The following ABCA8 variants were observed in gnomAD, a reference collection of about 807,000 sequenced individuals.
The protein encoded by ABCA8 is ABC-type organic anion transporter ABCA8.
In ABCA8, 177 loss-of-function variants were observed where a neutral mutation model predicts 192.3. The observed-to-expected ratio is 0.92, with a 90% CI of 0.81 to 1.04. The LOEUF (loss-of-function observed/expected upper bound fraction) is 1.04, where lower values mean the gene tolerates loss of function less well. Among genes scored for constraint, ABCA8 ranks in the 50% least tolerant of loss-of-function variants. ABCA8 has a pLI of 0.00. For missense variants in ABCA8, 1,915 were observed against 1,904.8 expected (o/e 1.01, Z -0.10); for synonymous variants, 642 against 690.2 (o/e 0.93, Z 1.09).
intron 24 of ABCA8, 130 bp from the exon 25 acceptor site, chr17:68,887,636 G>T: frequency 1.4e-6 from 1 of 738,276 alleles, no homozygotes; most frequent in East Asian, 2.7e-5. Context: ...CTGGACTAAG[G>T]GATGTGGATA....
At position 68,927,971 on chromosome 17, in the gene ABCA8, T is replaced by C. The variant is rs780591659; in HGVS notation, c.1218A>G (p.Ala406=). Residue 406 remains alanine (A), a synonymous_variant, in exon 10 of 40, where the codon GCA becomes GCG. Transcript: ENST00000586539. The part of the protein sequence containing the change: ...NLIVATNFML[A]FDTCLYLALA... Reference sequence around the variant, plus strand: ...ATGCCAGATAGAGGCAAGTGTCAAATGCCAACATGAAATTTGTTGCTACAA... The same window carrying C: ...ATGCCAGATAGAGGCAAGTGTCAAACGCCAACATGAAATTTGTTGCTACAA... 1.2e-6 allele frequency: 2 copies of C among 1,609,362 alleles called. No individual in the cohort carries two copies. Among genetic ancestry groups the C allele is most frequent in the East Asian group, 4.5e-5 (2 of 44,688 alleles).
At chr17:68,894,344 A>T in intron 22 of ABCA8, 34 bp from the exon 23 acceptor site, 1 of 1,551,426 alleles carries the variant, frequency 6.4e-7, no homozygotes, top group Non-Finnish European at 8.7e-7. Context: ...AAGTTCTCAA[A>T]TATCTTCATT....
chr17:68,938,174 G>A (rs765165908), intron 4 of ABCA8, among the ~76,000 whole-genome samples: 2 of 152,112 alleles, frequency 1.3e-5, no homozygotes, highest in Non-Finnish European at 2.9e-5. Flanking sequence ...TGGTAGGTAA[G>A]ATGCACAATA....
chr17:68,873,919 T>A (rs531909143), intron 37 of ABCA8, among the ~76,000 whole-genome samples: 1 of 152,250 alleles, frequency 6.6e-6, no homozygotes, highest in East Asian at 1.9e-4. Flanking sequence ...TGTTGGTCTT[T>A]ACACTAGTGC....
Position 68,917,465 on chromosome 17 carries a change from A to G in ABCA8, c.2048-14T>C, listed in dbSNP as rs1263160023. The G allele has an allele frequency of 6.3e-7, 1 of 1,588,404 alleles. No individual in the cohort carries two copies. The highest frequency in any genetic ancestry group is 1.1e-5 in the South Asian group (1 of 88,564). The stretch of plus-strand genomic sequence containing the variant: ...ATACTTTCCTGTCTGAAAAAGAAGA[A>G]GAGCAAAGAAGAAAGTTTGTTAAAA... On this transcript the variant is annotated splice_polypyrimidine_tract_variant and intron_variant, in intron 16 of 39. Transcript: ENST00000586539.
chr17:68,876,503 C>T lies in ABCA8; in HGVS notation c.4327G>A (p.Glu1443Lys). 1 of 1,614,056 alleles carries T rather than the reference C, an allele frequency of 6.2e-7. No homozygotes were observed. Among genetic ancestry groups the T allele is most frequent in the Non-Finnish European group, 8.5e-7 (1 of 1,179,960 alleles). ...TCGGGGTCCATCCCGGTCGACGGCTCATCCAGAAGCACCACTGACGGGTTC... is the reference window on the plus strand; with the variant it reads ...TCGGGGTCCATCCCGGTCGACGGCTTATCCAGAAGCACCACTGACGGGTTC... ...LGNPSVVLLD[E>K]PSTGMDPEGQ... Residue 1443 changes from glutamate to lysine, a missense_variant, in exon 35 of 40, where the codon GAG (glutamate) becomes AAG (lysine). Glu to Lys is a moderately conservative substitution (Grantham distance 56). Transcript: ENST00000586539.
intron 32 of ABCA8, chr17:68,879,390 C>T (rs2143274707): frequency 6.6e-6 from 1 of 152,322 alleles, no homozygotes; most frequent in Non-Finnish European, 1.5e-5. Context: ...TGAATTCTGG[C>T]ATTAATTTCA....
chr17:68,896,370 T>C (rs950239036), intron 21 of ABCA8, among the ~76,000 whole-genome samples: 4 of 152,220 alleles, frequency 2.6e-5, no homozygotes, highest in East Asian at 3.8e-4. Context: ...ATATTTATAG[T>C]AGTGCTCCCT....
chr17:68,871,539 T>A (rs1217758260), intron 37 of ABCA8, among the ~76,000 whole-genome samples: 4 of 152,240 alleles, frequency 2.6e-5, no homozygotes, highest in Non-Finnish European at 2.9e-5. Flanking sequence ...TTCATTTGCA[T>A]ATCTTCTTTG....
At chr17:68,921,716 T>G (rs1245495110) in intron 12 of ABCA8, among the ~76,000 whole-genome samples, 1 of 152,194 alleles carries the variant, frequency 6.6e-6, no homozygotes, top group African/African-American at 2.4e-5. Flanking sequence ...AATTTTGAAA[T>G]TACTTAGTTT....
chr17:68,921,135 G>A (rs1203334867), intron 13 of ABCA8, among the ~76,000 whole-genome samples: 2 of 152,040 alleles, frequency 1.3e-5, no homozygotes, highest in Non-Finnish European at 2.9e-5. Flanking sequence ...TCACTCATAG[G>A]TGGGAATTGA....
intron 17 of ABCA8, among the ~76,000 whole-genome samples, chr17:68,910,352 T>A (rs2143548051): frequency 6.6e-6 from 1 of 152,180 alleles, no homozygotes; most frequent in Middle Eastern, 3.4e-3. Context: ...GGACTTTGCA[T>A]TGGAACTCAG....
intron 19 of ABCA8, among the ~76,000 whole-genome samples, chr17:68,904,892 CAAAT>C (rs2143505331): frequency 6.6e-6 from 1 of 152,116 alleles, no homozygotes; most frequent in African/African-American, 2.4e-5. Context: ...TGTATACTAA[CAAAT>C]AAATAAACAA....
chr17:68,942,878 C>A (rs887380), intron 2 of ABCA8, among the ~76,000 whole-genome samples: 72,225 of 151,856 alleles, frequency 0.48, 17,889 homozygotes, highest in Middle Eastern at 0.56. Flanking sequence ...TATGTAGTTT[C>A]TGTCCCCAGA....
intron 4 of ABCA8, among the ~76,000 whole-genome samples, chr17:68,938,537 A>G (rs149102662): frequency 6.6e-6 from 1 of 152,298 alleles, no homozygotes; most frequent in East Asian, 1.9e-4. Flanking sequence ...CTTAAAATGA[A>G]TAGTCAGTAC....
At chr17:68,944,359 T>TATATATATATATATAC (rs765731645) in intron 2 of ABCA8, among the ~76,000 whole-genome samples, 2 of 69,464 alleles carry the variant, frequency 2.9e-5, no homozygotes, top group East Asian at 4.8e-4. Flanking sequence ...TATATATATA[T>TATATATATATATATAC]ACACATATAC....
In ABCA8 at chr17:68,937,060, A is replaced by AT. The variant is rs780146606; in HGVS notation, c.356dup (p.Asn119LysfsTer4). ...TGACTCTTACTATTTCTTCAGGATA[A>AT]TTTGCTGTGAATTCTTTAATACTTT... On this transcript the variant is annotated frameshift_variant, in exon 5 of 40. Coordinates refer to ENST00000586539, the MANE Select transcript of ABCA8 (RefSeq NM_001288985.2). LOFTEE classifies it high-confidence loss of function. 2 of 1,610,500 alleles carry AT rather than the reference A, an allele frequency of 1.2e-6. No individual in the cohort carries two copies. Among genetic ancestry groups the AT allele is most frequent in the South Asian group, 2.2e-5 (2 of 90,586 alleles).
chr17:68,894,830 T>C (rs1414519220), intron 22 of ABCA8, 50 bp downstream of exon 22: 1 of 1,557,572 alleles, frequency 6.4e-7, no homozygotes. Context: ...TATATTGATA[T>C]TATGTTAGCT....
At chr17:68,896,724 G>A (rs1322297651) in intron 21 of ABCA8, among the ~76,000 whole-genome samples, 1 of 152,074 alleles carries the variant, frequency 6.6e-6, no homozygotes. Flanking sequence ...TGGCAATTTG[G>A]ATATGTCAAA....
Sources: allele counts gnomAD v4.1 joint callset (sites outside exome capture counted in the v4.1 genomes callset), GRCh38; gene constraint gnomAD v4.1.1; transcripts MANE v1.5; gene names NCBI Gene and HGNC (gene_info 2026-07-23, HGNC 2026-07-21).